Variants in UGT1A6 observed in about 807,000 individuals in gnomAD.
UGT1A6 encodes UDP glucuronosyltransferase family 1 member A6.
UGT1A6 carries 32 observed loss-of-function variants against 44.4 expected under a neutral mutation model. The ratio of observed to expected loss-of-function variants is 0.72; its 90% CI spans 0.54 to 0.97. The LOEUF is 0.97. UGT1A6 is among the 50% of genes least tolerant of loss of function. UGT1A6 has a pLI of 0.00. For synonymous variants in UGT1A6, 238 were observed against 248.5 expected (o/e 0.96, Z 0.40); for missense variants, 685 against 661.9 (o/e 1.03, Z -0.38).
intron 1 of UGT1A6, chr2:233,718,723 T>C (rs1350568030): frequency 1.2e-6 from 2 of 1,610,130 alleles, no homozygotes; most frequent in African/African-American, 2.7e-5. Context: ...CATGCTGATT[T>C]GCTAGGTGGC....
chr2:233,760,445 G>A (rs2125984169), intron 1 of UGT1A6: 1 of 1,614,212 alleles, frequency 6.2e-7, no homozygotes, highest in Non-Finnish European at 8.5e-7. Context: ...CTGCAGCAGA[G>A]GGGACATGAA....
At chr2:233,729,634 G>C in intron 1 of UGT1A6, 1 of 1,613,874 alleles carries the variant, frequency 6.2e-7, no homozygotes, top group African/African-American at 1.3e-5. Context: ...GATTCCTACT[G>C]TGTTTTTTTT....
intron 1 of UGT1A6, chr2:233,719,318 G>T: frequency 6.2e-7 from 1 of 1,613,954 alleles, no homozygotes; most frequent in Non-Finnish European, 8.5e-7. Flanking sequence ...AGTACCTGTC[G>T]ATTCCTGCTG....
chr2:233,701,248 C>G (rs1368888043), intron 1 of UGT1A6, among the ~76,000 whole-genome samples: 3 of 152,042 alleles, frequency 2.0e-5, no homozygotes, highest in African/African-American at 7.3e-5. Context: ...AATGAGATGG[C>G]TGGGTCAAAT....
At chr2:233,695,871 C>T (rs182203911) in intron 1 of UGT1A6, among the ~76,000 whole-genome samples, 133 of 152,210 alleles carry the variant, frequency 8.7e-4, no homozygotes, top group Non-Finnish European at 1.8e-3. Flanking sequence ...CAACAAACAA[C>T]GCAGAAAACT....
chr2:233,729,412 C>T, intron 1 of UGT1A6: 2 of 1,613,700 alleles, frequency 1.2e-6, no homozygotes, highest in Non-Finnish European at 1.7e-6. Flanking sequence ...TGTGCTGGGC[C>T]ACACTCAACT....
intron 1 of UGT1A6, among the ~76,000 whole-genome samples, chr2:233,730,760 A>T (rs890717703): frequency 1.3e-5 from 2 of 152,118 alleles, no homozygotes; most frequent in Non-Finnish European, 1.5e-5. Flanking sequence ...TAAGACTGTG[A>T]ATCTATAAGC....
rs1407595030 is a variant in UGT1A6, at chr2:233,768,410, T to C, written c.1272T>C (p.Asn424=). 6.2e-7 allele frequency: 1 copy of C among 1,614,120 alleles called. No homozygotes were observed. Among genetic ancestry groups the C allele is most frequent in the East Asian group, 2.2e-5 (1 of 44,882 alleles). ...AAATGACTTCTGAAGATTTAGAAAA[T>C]GCTCTAAAAGCAGTCATCAATGACA... is the stretch of plus-strand genomic sequence containing the variant. ...VLEMTSEDLE[N]ALKAVINDKS... Residue 424 remains asparagine, a synonymous_variant, in exon 4 of 5, where the codon AAT becomes AAC. Transcript: ENST00000305139.
At position 233,721,180 on chromosome 2, in the gene UGT1A6, C is replaced by A. The variant is rs28898614; in HGVS notation, c.861+27315C>A. On this transcript the variant is annotated intron_variant, in intron 1 of 4. Coordinates refer to ENST00000305139, the MANE Select transcript of UGT1A6 (RefSeq NM_001072.4). Reference sequence around the variant, plus strand: ...AACTTTATTTTTGTTTTTGATCAAACCACAAGATATTTGTTCTACTGGTTT... The same window carrying A: ...AACTTTATTTTTGTTTTTGATCAAAACACAAGATATTTGTTCTACTGGTTT... Among the ~76,000 whole-genome samples the A allele has an allele frequency of 9.2e-3, 1,399 of 152,232 alleles. 33 individuals carry two copies. Among genetic ancestry groups the A allele is most frequent in the African/African-American group, 0.032 (1,310 of 41,542 alleles).
intron 1 of UGT1A6, among the ~76,000 whole-genome samples, chr2:233,695,248 C>G (rs1273194051): frequency 6.6e-6 from 1 of 151,840 alleles, no homozygotes; most frequent in East Asian, 1.9e-4. Flanking sequence ...GCCTCAGCCT[C>G]CTGAGTAGCT....
At chr2:233,724,599 T>C (rs1249789503) in intron 1 of UGT1A6, among the ~76,000 whole-genome samples, 2 of 100,788 alleles carry the variant, frequency 2.0e-5, no homozygotes, top group Non-Finnish European at 4.0e-5. Context: ...TCTCAGACGA[T>C]GGGCGGCCGG....
At chr2:233,753,147 TA>T (rs1254691339) in intron 1 of UGT1A6, 35 of 152,236 alleles carry the variant, frequency 2.3e-4, no homozygotes, top group African/African-American at 7.5e-4. Context: ...TTCACACATG[TA>T]AGTTCCCTTA....
rs200729912 is a variant in UGT1A6 at position 233,749,181 on chromosome 2, T to A, written c.862-17853T>A. Among the ~76,000 whole-genome samples, 4 of 151,898 alleles carry A rather than the reference T, an allele frequency of 2.6e-5. No homozygotes were observed. The East Asian group carries it at 7.7e-4, about 29-fold the overall frequency. On this transcript the variant is annotated intron_variant, in intron 1 of 4. Transcript: ENST00000305139. The stretch of plus-strand genomic sequence containing the variant: ...CCTTTTGTATTTTTATTTCTGTACT[T>A]CTTTTTATTAACATAGGTATTATTG...
chr2:233,744,383 G>A (rs1055889727), intron 1 of UGT1A6, among the ~76,000 whole-genome samples: 51 of 151,842 alleles, frequency 3.4e-4, no homozygotes, highest in African/African-American at 1.2e-3. Flanking sequence ...GTTCTCCAAC[G>A]TTCCAGCCCC....
At chr2:233,755,292 G>A (rs548797616) in intron 1 of UGT1A6, 11 of 646,792 alleles carry the variant, frequency 1.7e-5, no homozygotes, top group Non-Finnish European at 2.6e-5. Context: ...AAGAGCCTGC[G>A]GGGCACTGGC....
At chr2:233,760,933 G>A (rs1697618719) in intron 1 of UGT1A6, 3 of 1,614,198 alleles carry the variant, frequency 1.9e-6, no homozygotes, top group South Asian at 1.1e-5. Flanking sequence ...CATGCTCATT[G>A]CCTTTTCACA....
At chr2:233,703,713 T>C (rs117258472) in intron 1 of UGT1A6, among the ~76,000 whole-genome samples, 2,672 of 152,246 alleles carry the variant, frequency 0.018, 41 homozygotes, top group South Asian at 0.042. Context: ...AAAATTTAAG[T>C]TTTAAATATA....
At chr2:233,762,623 C>A (rs1698115974) in intron 1 of UGT1A6, among the ~76,000 whole-genome samples, 1 of 152,126 alleles carries the variant, frequency 6.6e-6, no homozygotes, top group Non-Finnish European at 1.5e-5. Flanking sequence ...GTTGTGACCT[C>A]AAACACTTCC....
At chr2:233,743,580 C>T (rs1377073083) in intron 1 of UGT1A6, 3 of 1,367,180 alleles carry the variant, frequency 2.2e-6, no homozygotes, top group Non-Finnish European at 2.9e-6. Context: ...CCCAAGAGGT[C>T]AAAGGAGAAT....
Sources: allele counts gnomAD v4.1 joint callset (sites outside exome capture counted in the v4.1 genomes callset), GRCh38; gene constraint gnomAD v4.1.1; transcripts MANE v1.5; gene names NCBI Gene and HGNC (gene_info 2026-07-23, HGNC 2026-07-21).